ZNF395: variants seen among roughly 807,000 people sequenced by gnomAD.
ZNF395 encodes HD gene regulatory region-binding protein 2.
In ZNF395, 20 loss-of-function variants were observed where a neutral mutation model predicts 57.7. The ratio of observed to expected loss-of-function variants is 0.35; its 90% confidence interval spans 0.24 to 0.50. The LOEUF (loss-of-function observed/expected upper bound fraction) is 0.50. Among genes scored for constraint, ZNF395 ranks in the 20% least tolerant of loss-of-function variants. The pLI is 0.97. For missense variants in ZNF395, 606 were observed against 671.2 expected, an observed-to-expected ratio of 0.90 and a Z score of 1.07; for synonymous variants, 295 against 275.9, an observed-to-expected ratio of 1.07 and a Z score of -0.69.
chr8:28,350,214 C>T, intron 7 of ZNF395, 58 bp from the exon 8 acceptor site: 1 of 1,373,616 alleles, frequency 7.3e-7, no homozygotes. Flanking sequence ...CAGAGTCTGC[C>T]CACAATCCCC....
At chr8:28,361,551 C>A (rs1585856676) in intron 1 of ZNF395, among the ~76,000 whole-genome samples, 1 of 152,158 alleles carries the variant, frequency 6.6e-6, no homozygotes, top group Non-Finnish European at 1.5e-5. Context: ...TAGGTGGATG[C>A]ACCATTCCTA....
At chr8:28,354,322 A>G (rs1426381539) in intron 4 of ZNF395, among the ~76,000 whole-genome samples, 2 of 152,194 alleles carry the variant, frequency 1.3e-5, no homozygotes, top group Admixed American at 6.5e-5. Flanking sequence ...AATTTATAAT[A>G]TAGAAGAATC....
chr8:28,378,941 G>A (rs779208454), intron 1 of ZNF395, among the ~76,000 whole-genome samples: 55 of 152,224 alleles, frequency 3.6e-4, no homozygotes, highest in Admixed American at 2.1e-3. Context: ...CCAGTCTTTC[G>A]GGTCAAAGGG....
intron 1 of ZNF395, among the ~76,000 whole-genome samples, chr8:28,370,327 G>A (rs1801962326): frequency 6.6e-6 from 1 of 152,198 alleles, no homozygotes; most frequent in Non-Finnish European, 1.5e-5. Flanking sequence ...AATACATAGT[G>A]GAAAATAAAC....
At position 28,352,610 on chromosome 8, in the gene ZNF395, C is replaced by A; in HGVS notation, c.883G>T (p.Val295Leu). Residue 295 changes from valine to leucine, a missense_variant, in exon 6 of 10, where the codon GTG becomes TTG. Physicochemically the swap from Val to Leu is conservative, Grantham distance 32. Around this residue, in one of 3 missense-constraint regions of ZNF395, gnomAD observed 261 missense variants for 240.3 expected, o/e 1.09. Coordinates refer to ENST00000344423, the MANE Select transcript of ZNF395 (RefSeq NM_018660.3). This position sits in a 1 kb window ranked among gnomAD's most constrained non-coding sequence, Gnocchi z 4.0. ...GCTTTGACGTGTCGTTTGATGCCCA[C>A]AATGGAGCGCAGAACTTTGCCACAG... Reference protein sequence around the residue: ...PNCGKVLRSIVGIKRHVKALH... With the variant: ...PNCGKVLRSILGIKRHVKALH... The A allele has an allele frequency of 6.2e-7, 1 of 1,614,196 alleles. No individual in the cohort carries two copies. The highest frequency in any genetic ancestry group is 8.5e-7 in the Non-Finnish European group (1 of 1,180,028).
chr8:28,358,464 C>T (rs552487676), intron 3 of ZNF395, among the ~76,000 whole-genome samples: 46 of 152,218 alleles, frequency 3.0e-4, no homozygotes, highest in African/African-American at 8.7e-4. Context: ...AGAGCAGAGT[C>T]TTGCTCTGTC....
At chr8:28,372,691 G>A (rs1361849952) in intron 1 of ZNF395, among the ~76,000 whole-genome samples, 1 of 152,222 alleles carries the variant, frequency 6.6e-6, no homozygotes, top group African/African-American at 2.4e-5. Context: ...GGAGGCTGAG[G>A]TGGGAGGATC....
At position 28,345,763 on chromosome 8, in the gene ZNF395, C is replaced by T. The variant is rs116611887; in HGVS notation, c.*2956G>A. 7.1e-6 allele frequency: 1 copy of T among 141,132 alleles called. No individual in the cohort carries two copies. 8.7% of individuals were successfully genotyped at this position (141,132 alleles called of 1,614,324 possible). ...ACAGATGGGATTTATCTCCCTCTTG[C>T]TTTTTTTTTTTTTGCCCCTGGTAAA... On this transcript the variant is annotated 3_prime_UTR_variant, in exon 10 of 10. Coordinates refer to ENST00000344423, the MANE Select transcript of ZNF395 (RefSeq NM_018660.3).
Position 28,356,822 on chromosome 8 carries a change from G to A in ZNF395, c.474-43C>T. On this transcript the variant is annotated intron_variant, in intron 3 of 9. Coordinates refer to ENST00000344423, the MANE Select transcript of ZNF395 (RefSeq NM_018660.3). This position sits in a 1 kb window ranked among gnomAD's most constrained non-coding sequence, Gnocchi z 4.0. ...AGTGGGAAATGTTACTTCCTGGCAT[G>A]GCGGGCCCATGGTCCTTGCAAAACG... 6.6e-7 allele frequency: 1 copy of A among 1,526,300 alleles called. No individual in the cohort carries two copies. Among genetic ancestry groups the A allele is most frequent in the East Asian group, 2.3e-5 (1 of 42,634 alleles). 94.5% of individuals were successfully genotyped at this position (1,526,300 alleles called of 1,614,324 possible).
At position 28,348,259 on chromosome 8, in the gene ZNF395, CTTTTTTTTTTTTTTTTTTTT is replaced by C. The variant is rs58805614; in HGVS notation, c.*440_*459del. On this transcript the variant is annotated 3_prime_UTR_variant, in exon 10 of 10. Transcript: ENST00000344423. ...CTGAGTCACCCATCAGCCAGAAACTCTTTTTTTTTTTTTTTTTTTTTTTTTTTAAGAAAAGTAAATTCATC... is the reference window on the plus strand; with the variant it reads ...CTGAGTCACCCATCAGCCAGAAACTCTTTTTTTAAGAAAAGTAAATTCATC... The C allele has an allele frequency of 1.1e-5, 1 of 90,466 alleles. No homozygotes were observed. The highest frequency in any genetic ancestry group is 4.2e-5 in the African/African-American group (1 of 23,608). 5.6% of individuals were successfully genotyped at this position (90,466 alleles called of 1,614,324 possible). A position where few individuals can be genotyped will look rare whatever the true frequency, so the allele number is the denominator to read the frequency against.
At chr8:28,353,456 G>A in intron 4 of ZNF395, 48 bp from the exon 5 acceptor site, 1 of 1,400,190 alleles carries the variant, frequency 7.1e-7, no homozygotes, top group Non-Finnish European at 9.5e-7. Flanking sequence ...GCGTGTCCCT[G>A]GGCAAACTCT....
intron 4 of ZNF395, among the ~76,000 whole-genome samples, chr8:28,353,864 T>C (rs1371317278): frequency 2.0e-5 from 3 of 152,198 alleles, no homozygotes; most frequent in Admixed American, 6.5e-5. Flanking sequence ...ACCCAGAGTG[T>C]TGGGTACCAC....
At chr8:28,376,863 T>A (rs1802048560) in intron 1 of ZNF395, among the ~76,000 whole-genome samples, 1 of 152,226 alleles carries the variant, frequency 6.6e-6, no homozygotes, top group Non-Finnish European at 1.5e-5. Context: ...TGCCATTTGT[T>A]AAGTCAGCGC....
intron 1 of ZNF395, 74 bp from the exon 2 acceptor site, chr8:28,361,256 A>G: frequency 2.4e-6 from 3 of 1,268,624 alleles, no homozygotes; most frequent in Non-Finnish European, 3.3e-6. Context: ...AAAATAAGTG[A>G]ACCCTTTAAA....
In ZNF395 at chr8:28,361,019, G is replaced by A. The variant is rs759041603; in HGVS notation, c.106C>T (p.Pro36Ser). 2 of 1,610,484 alleles carry A rather than the reference G, an allele frequency of 1.2e-6. No homozygotes were observed. Among genetic ancestry groups the A allele is most frequent in the South Asian group, 1.1e-5 (1 of 90,800 alleles). Residue 36 changes from proline (P) to serine (S), a missense_variant, in exon 2 of 10, where the codon CCA becomes TCA. Pro to Ser is a moderately conservative substitution (Grantham distance 74). Coordinates refer to ENST00000344423, the MANE Select transcript of ZNF395 (RefSeq NM_018660.3). Reference protein sequence around the residue: ...EGPSAAPPSEPLLEGAAPQPF... With the variant: ...EGPSAAPPSESLLEGAAPQPF... ...TGGGGAGCGGCCCCTTCTAGCAGTG[G>A]CTCCGAGGGTGGGGCAGCCGAGGGC...
intron 1 of ZNF395, among the ~76,000 whole-genome samples, chr8:28,376,906 G>C (rs1409076382): frequency 6.6e-6 from 1 of 152,172 alleles, no homozygotes; most frequent in Middle Eastern, 3.2e-3. Context: ...TATAAAAAGA[G>C]CACTTTCTTG....
chr8:28,367,007 G>A (rs1329465364), intron 1 of ZNF395, among the ~76,000 whole-genome samples: 1 of 151,680 alleles, frequency 6.6e-6, no homozygotes, highest in Non-Finnish European at 1.5e-5. Flanking sequence ...GGTGTGGTGT[G>A]TACTTAGGAT....
intron 1 of ZNF395, among the ~76,000 whole-genome samples, chr8:28,367,252 C>T (rs1407015918): frequency 6.6e-6 from 1 of 152,180 alleles, no homozygotes; most frequent in East Asian, 1.9e-4. Context: ...AATTGTCCAA[C>T]TCCCATTCAG....
intron 1 of ZNF395, among the ~76,000 whole-genome samples, chr8:28,365,066 T>C (rs987616258): frequency 6.6e-6 from 1 of 152,202 alleles, no homozygotes; most frequent in African/African-American, 2.4e-5. Flanking sequence ...TGGGGATTAA[T>C]AGGATGGAAG....
Sources: gnomAD v4.1 joint callset for allele counts (sites outside exome capture counted in the v4.1 genomes callset) on GRCh38, gnomAD v4.1.1 for gene constraint, gnomAD v4.1.1 regional missense constraint, Gnocchi (gnomAD v3.1) non-coding constraint, MANE v1.5 for transcripts, NCBI Gene and HGNC (gene_info 2026-07-23, HGNC 2026-07-21) for gene names.